The following PKHD1 variants were observed in gnomAD, a reference collection of about 807,000 sequenced individuals.
PKHD1 encodes PKHD1 ciliary IPT domain containing fibrocystin/polyductin.
In PKHD1, 291 loss-of-function variants were observed where a neutral mutation model predicts 412.0. The ratio of observed to expected loss-of-function variants is 0.71; its 90% confidence interval spans 0.64 to 0.78. The LOEUF is 0.78. PKHD1 is among the 30% of genes least tolerant of loss of function. PKHD1 has a pLI of 0.00. For missense variants in PKHD1, 4,825 were observed against 4,950.7 expected (o/e 0.97, Z 0.76); for synonymous variants, 1,777 against 1,821.5 (o/e 0.98, Z 0.62).
At chr6:52,017,284 A>G (rs1800683698) in intron 34 of PKHD1, 126 bp downstream of exon 34, 1 of 759,316 alleles carries the variant, frequency 1.3e-6, no homozygotes, top group Non-Finnish European at 2.4e-6. Flanking sequence ...TGGCCCCTCC[A>G]AGAGAGTTGT....
At chr6:51,733,787 T>C (rs1783515552) in intron 60 of PKHD1, among the ~76,000 whole-genome samples, 1 of 152,168 alleles carries the variant, frequency 6.6e-6, no homozygotes, top group African/African-American at 2.4e-5. Flanking sequence ...ACTTATACTC[T>C]GTCATGCCAA....
intron 60 of PKHD1, among the ~76,000 whole-genome samples, chr6:51,714,794 T>G (rs1270676553): frequency 1.3e-5 from 2 of 152,052 alleles, no homozygotes; most frequent in African/African-American, 4.8e-5. Context: ...TATTTTTTTG[T>G]TCCCAGATCT....
chr6:51,883,205 C>T lies in PKHD1; in HGVS notation c.7238G>A (p.Arg2413His), dbSNP rs772219802. The change falls in exon 46 of 67, where the codon CGC becomes CAC. Residue 2413 changes from arginine to histidine, a missense_variant. Transcript: ENST00000371117. ...TGAATAAACTTTGAAGTTTTTCAGG[C>T]GAAGATTGCTACTTCTAAAAATCTA... ...GAQIFRSSNL[R>H]LKNFKVYSCR... is the part of the protein sequence containing the mutation. 71 of 1,613,136 alleles carry T rather than the reference C, an allele frequency of 4.4e-5. No homozygotes were observed. Among genetic ancestry groups the T allele is most frequent in the African/African-American group, 1.1e-4 (8 of 74,882 alleles).
At chr6:51,952,852 A>C (rs1790558876) in intron 36 of PKHD1, among the ~76,000 whole-genome samples, 1 of 152,110 alleles carries the variant, frequency 6.6e-6, no homozygotes, top group African/African-American at 2.4e-5. Context: ...CAAATATAGG[A>C]AGAAAATTTA....
chr6:51,891,061 C>T (rs1481291807), intron 43 of PKHD1, among the ~76,000 whole-genome samples: 1 of 152,204 alleles, frequency 6.6e-6, no homozygotes, highest in Non-Finnish European at 1.5e-5. Flanking sequence ...TAGCCTTTCA[C>T]ACAGCTCAGG....
intron 60 of PKHD1, among the ~76,000 whole-genome samples, chr6:51,733,323 AAG>A (rs1391474920): frequency 6.6e-6 from 1 of 152,058 alleles, no homozygotes; most frequent in African/African-American, 2.4e-5. Context: ...GGCGGATCAC[AAG>A]GTCAGGAGAC....
rs1382066743 is a variant in PKHD1 at position 52,083,232 on chromosome 6, C to A, written c.76G>T (p.Glu26Ter). 3.7e-6 allele frequency: 6 copies of A among 1,610,582 alleles called. No homozygotes were observed. The Admixed American group carries it at 1.0e-4, about 27-fold the overall frequency. The change falls in exon 3 of 67, where the codon GAA becomes TAA. Residue 26 changes from glutamate (E) to a stop codon, truncating the protein, a stop_gained. Coordinates refer to ENST00000371117, the MANE Select transcript of PKHD1 (RefSeq NM_138694.4). LOFTEE classifies it high-confidence loss of function. ...LAVRHLSLHI[E>*]PEEGSLAGGT... is the part of the protein sequence containing the mutation. ...CCTGCAAGGCTACCTTCTTCAGGTT[C>A]AATATGTAAACTCAGGTGACGTACT...
At chr6:51,686,605 T>C (rs1239815988) in intron 60 of PKHD1, among the ~76,000 whole-genome samples, 1 of 152,188 alleles carries the variant, frequency 6.6e-6, no homozygotes, top group Non-Finnish European at 1.5e-5. Flanking sequence ...TATAATCTAC[T>C]AGAGAATTTA....
intron 50 of PKHD1, among the ~76,000 whole-genome samples, chr6:51,838,427 G>A (rs562142741): frequency 1.3e-5 from 2 of 152,206 alleles, no homozygotes; most frequent in Middle Eastern, 3.4e-3. Flanking sequence ...CTCTACACAC[G>A]CACAAATGGT....
At chr6:51,760,573 T>C (rs1787830156) in intron 55 of PKHD1, among the ~76,000 whole-genome samples, 1 of 152,098 alleles carries the variant, frequency 6.6e-6, no homozygotes, top group African/African-American at 2.4e-5. Context: ...GCAAGAATAC[T>C]GCATCTGATA....
intron 19 of PKHD1, among the ~76,000 whole-genome samples, chr6:52,054,573 T>C (rs1486674235): frequency 1.3e-5 from 2 of 152,198 alleles, no homozygotes; most frequent in Non-Finnish European, 2.9e-5. Flanking sequence ...CCCAGCATCC[T>C]TGGTTTCTAA....
intron 52 of PKHD1, among the ~76,000 whole-genome samples, chr6:51,829,551 C>G (rs904334905): frequency 1.3e-5 from 2 of 152,022 alleles, no homozygotes; most frequent in African/African-American, 2.4e-5. Context: ...GAATGACTCA[C>G]GAGCTTGTTT....
intron 36 of PKHD1, among the ~76,000 whole-genome samples, chr6:51,950,210 G>GAAAAAAAAAAAAAAAAAA (rs574963733): frequency 8.8e-6 from 1 of 113,152 alleles, no homozygotes; most frequent in African/African-American, 3.6e-5. Context: ...GCAATATAGA[G>GAAAAAAAAAAAAAAAAAA]AAAAAAAAAA....
At chr6:51,693,944 C>T (rs2150651595) in intron 60 of PKHD1, among the ~76,000 whole-genome samples, 1 of 152,128 alleles carries the variant, frequency 6.6e-6, no homozygotes, top group East Asian at 1.9e-4. Flanking sequence ...GAAAGTGAAC[C>T]CAGGCAATCT....
chr6:51,930,651 T>C (rs1786431500), intron 37 of PKHD1, among the ~76,000 whole-genome samples: 1 of 152,232 alleles, frequency 6.6e-6, no homozygotes, highest in Non-Finnish European at 1.5e-5. Context: ...CTACATGACC[T>C]GAGCTGGAGT....
chr6:51,994,033 C>A (rs1797378688), intron 35 of PKHD1, among the ~76,000 whole-genome samples: 1 of 152,148 alleles, frequency 6.6e-6, no homozygotes, highest in African/African-American at 2.4e-5. Context: ...AACTGCCTTC[C>A]TTCCTGCAGG....
At chr6:51,642,716 T>C (rs1408931510) in intron 63 of PKHD1, among the ~76,000 whole-genome samples, 1 of 152,114 alleles carries the variant, frequency 6.6e-6, no homozygotes, top group Non-Finnish European at 1.5e-5. Context: ...GGTGGGCACC[T>C]GTAATCCCAG....
chr6:51,635,809 T>G (rs1768459985), intron 64 of PKHD1, among the ~76,000 whole-genome samples: 1 of 129,254 alleles, frequency 7.7e-6, no homozygotes, highest in East Asian at 2.4e-4. Context: ...ACCAAGGAAT[T>G]GGCAACCACA....
At chr6:51,651,640 C>A (rs568074309) in intron 61 of PKHD1, among the ~76,000 whole-genome samples, 1 of 152,082 alleles carries the variant, frequency 6.6e-6, no homozygotes. Context: ...TATGGACACC[C>A]AATTAATACC....
Sources: allele counts gnomAD v4.1 joint callset (sites outside exome capture counted in the v4.1 genomes callset), GRCh38; gene constraint gnomAD v4.1.1; transcripts MANE v1.5; gene names NCBI Gene and HGNC (gene_info 2026-07-23, HGNC 2026-07-21).